KIF6: variants seen among roughly 807,000 people sequenced by gnomAD.
KIF6 encodes kinesin-like protein KIF6.
KIF6 carries 106 observed loss-of-function variants against 112.7 expected under a neutral mutation model. The ratio of observed to expected loss-of-function variants is 0.94; its 90% confidence interval spans 0.80 to 1.11. The LOEUF is 1.11. KIF6 is among the 50% of genes least tolerant of loss of function. KIF6 has a pLI of 0.00. For synonymous variants in KIF6, 339 were observed against 339.9 expected (o/e 1.00, Z 0.03); for missense variants, 929 against 964.0 (o/e 0.96, Z 0.48).
intron 13 of KIF6, among the ~76,000 whole-genome samples, chr6:39,450,437 C>T (rs951921170): frequency 3.3e-5 from 5 of 152,182 alleles, no homozygotes; most frequent in African/African-American, 1.2e-4. Context: ...ATGCAAAAGG[C>T]ATTACTTTAC....
chr6:39,686,863 C>T (rs559359651), intron 3 of KIF6, among the ~76,000 whole-genome samples: 2 of 152,232 alleles, frequency 1.3e-5, no homozygotes, highest in South Asian at 2.1e-4. Context: ...CTAGTGTATA[C>T]CTGAGACTAG....
At chr6:39,421,899 G>T (rs1378995258) in intron 14 of KIF6, among the ~76,000 whole-genome samples, 1 of 152,130 alleles carries the variant, frequency 6.6e-6, no homozygotes, top group African/African-American at 2.4e-5. Context: ...GGCATAAGGC[G>T]ACATTTGCTG....
At chr6:39,591,328 A>C (rs1439967294) in intron 7 of KIF6, among the ~76,000 whole-genome samples, 1 of 152,244 alleles carries the variant, frequency 6.6e-6, no homozygotes, top group Non-Finnish European at 1.5e-5. Context: ...ATATAGTCTC[A>C]AAAATGGAGA....
intron 19 of KIF6, among the ~76,000 whole-genome samples, chr6:39,357,023 T>G (rs1028465786): frequency 1.3e-5 from 2 of 152,176 alleles, no homozygotes; most frequent in African/African-American, 4.8e-5. Flanking sequence ...GGCTTGATTG[T>G]GAAACCTCTT....
intron 13 of KIF6, among the ~76,000 whole-genome samples, chr6:39,510,893 A>AAAAAAC (rs1263971646): frequency 1.3e-5 from 2 of 150,366 alleles, no homozygotes; most frequent in Non-Finnish European, 3.0e-5. Context: ...AAAAAAAAAA[A>AAAAAAC]AAAAGCAAGG....
chr6:39,527,559 T>A (rs1304262858), intron 13 of KIF6, among the ~76,000 whole-genome samples: 1 of 152,100 alleles, frequency 6.6e-6, no homozygotes, highest in Non-Finnish European at 1.5e-5. Context: ...AAGATTTCTA[T>A]AACATGACTC....
chr6:39,683,196 A>C (rs1247021496), intron 3 of KIF6, among the ~76,000 whole-genome samples: 1 of 152,230 alleles, frequency 6.6e-6, no homozygotes, highest in Non-Finnish European at 1.5e-5. Flanking sequence ...TATGATCTGC[A>C]TTTTTAAAAG....
intron 13 of KIF6, among the ~76,000 whole-genome samples, chr6:39,446,847 T>C (rs988906004): frequency 1.3e-5 from 2 of 152,180 alleles, no homozygotes; most frequent in Non-Finnish European, 2.9e-5. Flanking sequence ...TTTAATGTAG[T>C]TTTCTGTGAA....
chr6:39,648,546 T>C (rs1785296662), intron 3 of KIF6, among the ~76,000 whole-genome samples: 1 of 152,228 alleles, frequency 6.6e-6, no homozygotes, highest in African/African-American at 2.4e-5. Flanking sequence ...GCAGTAAAAC[T>C]TGCCTACAGG....
intron 3 of KIF6, among the ~76,000 whole-genome samples, chr6:39,679,083 T>A (rs1214687819): frequency 1.3e-5 from 2 of 152,250 alleles, no homozygotes; most frequent in Non-Finnish European, 2.9e-5. Context: ...AATTTACAAC[T>A]AACATCTTTG....
At chr6:39,519,746 C>A (rs1055157379) in intron 13 of KIF6, among the ~76,000 whole-genome samples, 5 of 90,874 alleles carry the variant, frequency 5.5e-5, no homozygotes, top group Non-Finnish European at 1.0e-4. Flanking sequence ...GCCAGCCGGG[C>A]GCCGCGGCTC....
At chr6:39,718,349 G>C (rs997549560) in intron 2 of KIF6, 2 of 151,446 alleles carry the variant, frequency 1.3e-5, no homozygotes, top group African/African-American at 4.9e-5. Flanking sequence ...GCAAACTGTT[G>C]TTTTATGTAA....
intron 13 of KIF6, among the ~76,000 whole-genome samples, chr6:39,494,638 T>C (rs1039013988): frequency 6.6e-6 from 1 of 152,218 alleles, no homozygotes; most frequent in African/African-American, 2.4e-5. Context: ...AAGAATGGGG[T>C]ATTTTATTCA....
At chr6:39,611,763 T>C (rs1783228401) in intron 6 of KIF6, among the ~76,000 whole-genome samples, 1 of 152,190 alleles carries the variant, frequency 6.6e-6, no homozygotes, top group South Asian at 2.1e-4. Context: ...AGGAACAGGA[T>C]TTAGTGGAGC....
At chr6:39,580,484 G>T (rs945182188) in intron 9 of KIF6, among the ~76,000 whole-genome samples, 1 of 151,742 alleles carries the variant, frequency 6.6e-6, no homozygotes, top group African/African-American at 2.4e-5. Context: ...TCTTGTTATT[G>T]TCTCATTTTC....
intron 13 of KIF6, among the ~76,000 whole-genome samples, chr6:39,526,330 G>A (rs928045812): frequency 6.6e-6 from 1 of 152,166 alleles, no homozygotes; most frequent in East Asian, 1.9e-4. Context: ...TTTCTCCAAA[G>A]AGTCTGGAAG....
At chr6:39,501,515 A>G (rs1269723224) in intron 13 of KIF6, among the ~76,000 whole-genome samples, 2 of 152,218 alleles carry the variant, frequency 1.3e-5, no homozygotes, top group South Asian at 2.1e-4. Context: ...CAGAATGTGG[A>G]TAATAATGAA....
intron 15 of KIF6, among the ~76,000 whole-genome samples, chr6:39,389,376 G>T (rs1320639380): frequency 2.0e-5 from 3 of 152,086 alleles, no homozygotes; most frequent in African/African-American, 4.8e-5. Flanking sequence ...CAATTTCTGG[G>T]ATGCTGTGCC....
At chr6:39,481,183 T>C (rs1428640635) in intron 13 of KIF6, among the ~76,000 whole-genome samples, 1 of 152,140 alleles carries the variant, frequency 6.6e-6, no homozygotes, top group African/African-American at 2.4e-5. Context: ...AATATTTTCT[T>C]GAGGTTGTAT....
Sources: gnomAD v4.1 joint callset for allele counts (sites outside exome capture counted in the v4.1 genomes callset) on GRCh38, gnomAD v4.1.1 for gene constraint, MANE v1.5 for transcripts, NCBI Gene and HGNC (gene_info 2026-07-23, HGNC 2026-07-21) for gene names.